The following MAP3K13 variants were observed in gnomAD, a reference collection of about 807,000 sequenced individuals.
MAP3K13 encodes the protein leucine zipper-bearing kinase.
MAP3K13 carries 52 observed loss-of-function variants against 104.0 expected under a neutral mutation model. That is an observed-to-expected ratio of 0.50 (90% confidence interval 0.40 to 0.63). The LOEUF is 0.63. Among genes scored for constraint, MAP3K13 ranks in the 20% least tolerant of loss-of-function variants. The pLI, the probability that MAP3K13 is intolerant of heterozygous loss-of-function variation, is 0.00. For missense variants in MAP3K13, 914 were observed against 1,218.5 expected (o/e 0.75, Z 3.72); for synonymous variants, 394 against 442.2 (o/e 0.89, Z 1.37).
chr3:185,344,877 C>G (rs571805729), intron 2 of MAP3K13, among the ~76,000 whole-genome samples: 130 of 147,908 alleles, frequency 8.8e-4, no homozygotes, highest in African/African-American at 3.2e-3. Flanking sequence ...TTCTACTAAT[C>G]TCATAATTTA....
At chr3:185,355,466 CAA>C (rs10554957) in intron 2 of MAP3K13, among the ~76,000 whole-genome samples, 44,842 of 135,972 alleles carry the variant, frequency 0.33, 7,204 homozygotes, top group East Asian at 0.45. Flanking sequence ...AACTCTGTCT[CAA>C]AAAAAAAAAA....
intron 2 of MAP3K13, among the ~76,000 whole-genome samples, chr3:185,349,871 G>A (rs1723073950): frequency 6.6e-6 from 1 of 152,196 alleles, no homozygotes; most frequent in Non-Finnish European, 1.5e-5. Flanking sequence ...GTACACTGCA[G>A]TAGGCAGGAA....
chr3:185,470,443 G>C (rs955079642), intron 10 of MAP3K13, among the ~76,000 whole-genome samples: 3 of 152,182 alleles, frequency 2.0e-5, no homozygotes, highest in African/African-American at 7.2e-5. Context: ...TTGAAAACAG[G>C]ACTGTGAAAG....
chr3:185,314,150 G>A (rs186617220), intron 2 of MAP3K13, among the ~76,000 whole-genome samples: 65 of 152,276 alleles, frequency 4.3e-4, no homozygotes, highest in Admixed American at 3.1e-3. Context: ...TAGGCTATTG[G>A]TTATTCAAGC....
At chr3:185,411,719 A>AATGAAACC (rs1326899415) in intron 1 of MAP3K13, among the ~76,000 whole-genome samples, 1 of 151,610 alleles carries the variant, frequency 6.6e-6, no homozygotes, top group Non-Finnish European at 1.5e-5. Context: ...AGGAGCACTT[A>AATGAAACC]ATGAAACCAT....
At chr3:185,357,186 C>G (rs1427499007) in intron 2 of MAP3K13, among the ~76,000 whole-genome samples, 1 of 151,140 alleles carries the variant, frequency 6.6e-6, no homozygotes, top group Non-Finnish European at 1.5e-5. Context: ...GGCTCACGCC[C>G]GTAATCCCAG....
chr3:185,439,805 A>G (rs906515582), intron 3 of MAP3K13, among the ~76,000 whole-genome samples: 1 of 152,106 alleles, frequency 6.6e-6, no homozygotes, highest in African/African-American at 2.4e-5. Context: ...AGTTTTCAGC[A>G]CTGCCCTGCT....
intron 7 of MAP3K13, among the ~76,000 whole-genome samples, chr3:185,459,347 G>A (rs1197660459): frequency 2.0e-5 from 3 of 152,054 alleles, no homozygotes; most frequent in South Asian, 2.1e-4. Flanking sequence ...TACTCCTTAA[G>A]CTAGGCTGGA....
intron 2 of MAP3K13, among the ~76,000 whole-genome samples, chr3:185,321,044 G>A (rs1358940752): frequency 4.0e-5 from 6 of 150,798 alleles, no homozygotes; most frequent in African/African-American, 1.5e-4. Context: ...TTATATGCGT[G>A]CACACATATA....
At chr3:185,361,788 G>A (rs764363159), upstream of MAP3K13, among the ~76,000 whole-genome samples, 17 of 152,208 alleles carry the variant, frequency 1.1e-4, no homozygotes, top group Non-Finnish European at 1.9e-4. Flanking sequence ...CATGTTACAT[G>A]TGTAAACTTC....
intron 1 of MAP3K13, among the ~76,000 whole-genome samples, chr3:185,404,393 T>G (rs1049515712): frequency 6.6e-6 from 1 of 152,152 alleles, no homozygotes; most frequent in Non-Finnish European, 1.5e-5. Context: ...AGCACAGTGA[T>G]GGAGATGAGA....
intron 2 of MAP3K13, among the ~76,000 whole-genome samples, chr3:185,321,459 A>G (rs11926209): frequency 0.69 from 104,721 of 152,176 alleles, 37,307 homozygotes; most frequent in Non-Finnish European, 0.78. Flanking sequence ...AATGAGACTC[A>G]ATAGCAAAAT....
intron 2 of MAP3K13, chr3:185,292,759 C>G: frequency 1.0e-6 from 1 of 985,308 alleles, no homozygotes; most frequent in South Asian, 4.7e-5. Context: ...TTTTTTTTCT[C>G]TGAGTTGAGT....
chr3:185,392,144 A>G (rs976437022), intron 1 of MAP3K13, among the ~76,000 whole-genome samples: 1 of 152,182 alleles, frequency 6.6e-6, no homozygotes, highest in Non-Finnish European at 1.5e-5. Flanking sequence ...AAGACATTAT[A>G]TATTGGATTA....
At chr3:185,289,453 T>C (rs1720652848) in intron 2 of MAP3K13, among the ~76,000 whole-genome samples, 1 of 152,170 alleles carries the variant, frequency 6.6e-6, no homozygotes, top group African/African-American at 2.4e-5. Context: ...CAACCTTACC[T>C]CACCCATAAC....
At chr3:185,289,145 A>G (rs994218671) in intron 2 of MAP3K13, among the ~76,000 whole-genome samples, 11 of 152,156 alleles carry the variant, frequency 7.2e-5, no homozygotes, top group African/African-American at 2.7e-4. Flanking sequence ...TTGAGGCCAA[A>G]TTTCATTCAA....
chr3:185,466,675 C>A (rs1717452571), intron 9 of MAP3K13, 151 bp from the exon 10 acceptor site: 3 of 919,590 alleles, frequency 3.3e-6, no homozygotes, highest in Non-Finnish European at 4.9e-6. Flanking sequence ...CCGAGCCCGG[C>A]TGTTTGTTTG....
intron 1 of MAP3K13, among the ~76,000 whole-genome samples, chr3:185,373,235 T>C (rs1464453574): frequency 6.6e-6 from 1 of 152,198 alleles, no homozygotes; most frequent in East Asian, 1.9e-4. Context: ...TTATTTTTCA[T>C]CACAGGAAAC....
intron 2 of MAP3K13, among the ~76,000 whole-genome samples, chr3:185,303,410 A>G (rs1721175491): frequency 6.6e-6 from 1 of 152,116 alleles, no homozygotes; most frequent in African/African-American, 2.4e-5. Context: ...TCTTCTTTAA[A>G]TGTGTGGTAG....
Sources: gnomAD v4.1 joint callset for allele counts (sites outside exome capture counted in the v4.1 genomes callset) on GRCh38, gnomAD v4.1.1 for gene constraint, MANE v1.5 for transcripts, NCBI Gene and HGNC (gene_info 2026-07-23, HGNC 2026-07-21) for gene names.